LSR: variants seen among roughly 807,000 people sequenced by gnomAD.
LSR encodes the protein lipolysis-stimulated lipoprotein receptor.
LSR carries 44 observed loss-of-function variants against 61.8 expected under a neutral mutation model. The ratio of observed to expected loss-of-function variants is 0.71; its 90% CI spans 0.56 to 0.91. The LOEUF (loss-of-function observed/expected upper bound fraction) is 0.91, where lower values mean the gene tolerates loss of function less well. LSR is among the 40% of genes least tolerant of loss of function. The pLI is 0.00. For synonymous variants in LSR, 397 were observed against 350.6 expected, an observed-to-expected ratio of 1.13 and a Z score of -1.48; for missense variants, 911 against 830.5, an observed-to-expected ratio of 1.10 and a Z score of -1.19.
In LSR at chr19:35,250,394, T is replaced by C. The variant is rs1284006323; in HGVS notation, c.189T>C (p.Cys63=). Residue 63 remains cysteine, a synonymous_variant, in exon 2 of 10, where the codon TGT becomes TGC. Coordinates refer to ENST00000605618, the MANE Select transcript of LSR (RefSeq NM_205834.4). Reference sequence around the variant, plus strand: ...TCTTCCAGCCTGTGACCCTGCCCTGTACCTACCAGATGACCTCGACCCCCA... The same window carrying C: ...TCTTCCAGCCTGTGACCCTGCCCTGCACCTACCAGATGACCTCGACCCCCA... ...VILFQPVTLP[C]TYQMTSTPTQ... is the part of the protein sequence containing the mutation. 3.7e-6 allele frequency: 6 copies of C among 1,612,956 alleles called. No homozygotes were observed. In the South Asian group the frequency reaches 4.4e-5, roughly 12 times the overall value.
In LSR at chr19:35,266,460, A is replaced by G. The variant is rs1325766571; in HGVS notation, c.880A>G (p.Met294Val). 4 of 1,612,854 alleles carry G rather than the reference A, an allele frequency of 2.5e-6. No individual in the cohort carries two copies. The highest frequency in any genetic ancestry group is 1.3e-5 in the African/African-American group (1 of 74,902). Residue 294 changes from methionine to valine, a missense_variant, in exon 6 of 10, where the codon ATG becomes GTG. Physicochemically the swap from Met to Val is conservative, Grantham distance 21. Coordinates refer to ENST00000605618, the MANE Select transcript of LSR (RefSeq NM_205834.4). ...CGCCAAGACCCCACCCCCACCAGCT[A>G]TGATTCCCATGGGCCCTGCCTACAA... Reference protein sequence around the residue: ...SPAKTPPPPAMIPMGPAYNGY... With the variant: ...SPAKTPPPPAVIPMGPAYNGY...
intron 1 of LSR, 92 bp downstream of exon 1, chr19:35,249,223 G>A: frequency 2.8e-6 from 4 of 1,448,270 alleles, no homozygotes; most frequent in East Asian, 5.2e-5. Context: ...AGCGGGAAGC[G>A]GGGGTCTCAG....
intron 2 of LSR, 137 bp from the exon 3 acceptor site, chr19:35,258,808 T>C (rs1367885468): frequency 7.7e-6 from 8 of 1,039,020 alleles, no homozygotes; most frequent in Admixed American, 3.6e-5. Context: ...AATCTTTGCA[T>C]ATGCATTTGA....
chr19:35,266,067 G>GTTA (rs1371848289), intron 5 of LSR, among the ~76,000 whole-genome samples: 35 of 152,244 alleles, frequency 2.3e-4, no homozygotes, highest in Non-Finnish European at 1.8e-4. Flanking sequence ...TTACCATGCT[G>GTTA]TTAAATGAAA....
chr19:35,253,071 G>A (rs974277035), intron 2 of LSR, among the ~76,000 whole-genome samples: 7 of 152,046 alleles, frequency 4.6e-5, no homozygotes, highest in Non-Finnish European at 7.4e-5. Flanking sequence ...TGTAATCCCA[G>A]CACTTTGGGA....
chr19:35,252,198 G>GTCAT (rs1242053477), intron 2 of LSR, among the ~76,000 whole-genome samples: 2 of 152,152 alleles, frequency 1.3e-5, no homozygotes, highest in Non-Finnish European at 2.9e-5. Context: ...GTAAGGGGCA[G>GTCAT]TCATTCATTC....
At chr19:35,250,753 C>T in intron 2 of LSR, 94 bp downstream of exon 2, 3 of 887,558 alleles carry the variant, frequency 3.4e-6, no homozygotes, top group Non-Finnish European at 1.7e-6. Flanking sequence ...TCTGAAAGCT[C>T]TTGAGTGCCA....
chr19:35,267,696 A>G lies in LSR; in HGVS notation c.1732A>G (p.Thr578Ala). ...YPPAPPPYSE[T>A]DSQASRERRL... is the part of the protein sequence containing the mutation. Reference sequence around the variant, plus strand: ...GCCCGCGCCGCCCCCGTACTCGGAGACCGACTCGCAGGCGTCCCGAGAGCG... The same window carrying G: ...GCCCGCGCCGCCCCCGTACTCGGAGGCCGACTCGCAGGCGTCCCGAGAGCG... The change falls in exon 9 of 10, where the codon ACC becomes GCC. Residue 578 changes from threonine (T) to alanine (A), a missense_variant. Coordinates refer to ENST00000605618, the MANE Select transcript of LSR (RefSeq NM_205834.4). 1 of 1,601,696 alleles carries G rather than the reference A, an allele frequency of 6.2e-7. No homozygotes were observed. The highest frequency in any genetic ancestry group is 8.5e-7 in the Non-Finnish European group (1 of 1,174,982).
In LSR at chr19:35,259,037, G is replaced by A; in HGVS notation, c.547G>A (p.Glu183Lys). 1 of 1,614,064 alleles carries A rather than the reference G, an allele frequency of 6.2e-7. No individual in the cohort carries two copies. The highest frequency in any genetic ancestry group is 1.1e-5 in the South Asian group (1 of 91,080). ...VSAQDLQGNN[E>K]AYAELIVLGR... ...AGCCCAGGACCTCCAGGGGAACAAT[G>A]AGGCCTACGCAGAGCTCATCGTCCT... The change falls in exon 3 of 10, where the codon GAG (glutamate) becomes AAG (lysine). Residue 183 changes from glutamate (E) to lysine (K), a missense_variant. Glu to Lys is a moderately conservative substitution (Grantham distance 56, BLOSUM62 1). Transcript: ENST00000605618.
Position 35,267,417 on chromosome 19 carries a change from G to T in LSR, c.1453G>T (p.Asp485Tyr). ...GCCCCCGCGGAGCCGCAGCCGGGAC[G>T]ACCTCTATGACCAAGACGACTCGAG... is the stretch of plus-strand genomic sequence containing the variant. Reference protein sequence around the residue: ...YMPPRSRSRDDLYDQDDSRDF... With the variant: ...YMPPRSRSRDYLYDQDDSRDF... Residue 485 changes from aspartate (D) to tyrosine (Y), a missense_variant, in exon 9 of 10, where the codon GAC becomes TAC. Transcript: ENST00000605618. The T allele has an allele frequency of 1.2e-6, 2 of 1,610,228 alleles. No homozygotes were observed. The highest frequency in any genetic ancestry group is 1.7e-6 in the Non-Finnish European group (2 of 1,179,138).
Position 35,262,586 on chromosome 19 carries a change from C to T in LSR, c.672C>T (p.Leu224=). The part of the protein sequence containing the change: ...FVVVVCLAAF[L]IFLLLGICWC... ...TTGTGGTATGCCTGGCTGCCTTCCTCATCTTCCTCCTCCTGGGCATCTGCT... is the reference window on the plus strand; with the variant it reads ...TTGTGGTATGCCTGGCTGCCTTCCTTATCTTCCTCCTCCTGGGCATCTGCT... Residue 224 remains leucine, a synonymous_variant, in exon 5 of 10, where the codon CTC becomes CTT. Transcript: ENST00000605618. 1.9e-6 allele frequency: 3 copies of T among 1,614,248 alleles called. No individual in the cohort carries two copies. Among genetic ancestry groups the T allele is most frequent in the Non-Finnish European group, 1.7e-6 (2 of 1,180,044 alleles).
chr19:35,267,429 C>G lies in LSR; in HGVS notation c.1465C>G (p.Gln489Glu), dbSNP rs1450547142. ...CCGCAGCCGGGACGACCTCTATGACCAAGACGACTCGAGGGACTTCCCACG... is the reference window on the plus strand; with the variant it reads ...CCGCAGCCGGGACGACCTCTATGACGAAGACGACTCGAGGGACTTCCCACG... ...RSRSRDDLYDQDDSRDFPRSR... is the reference protein window; with the variant it reads ...RSRSRDDLYDEDDSRDFPRSR... The change falls in exon 9 of 10, where the codon CAA (glutamine) becomes GAA (glutamate). Residue 489 changes from glutamine to glutamate, a missense_variant. Physicochemically the swap from Gln to Glu is conservative, Grantham distance 29. Coordinates refer to ENST00000605618, the MANE Select transcript of LSR (RefSeq NM_205834.4). 6 of 1,610,756 alleles carry G rather than the reference C, an allele frequency of 3.7e-6. No individual in the cohort carries two copies. The highest frequency in any genetic ancestry group is 3.3e-5 in the Admixed American group (2 of 59,836).
intron 2 of LSR, among the ~76,000 whole-genome samples, chr19:35,256,114 A>C (rs1166603530): frequency 6.6e-6 from 1 of 152,070 alleles, no homozygotes; most frequent in African/African-American, 2.4e-5. Flanking sequence ...GGCGCCTATA[A>C]TCCCAGCTAC....
intron 1 of LSR, 151 bp from the exon 2 acceptor site, chr19:35,250,164 C>A (rs1599587552): frequency 3.6e-6 from 2 of 550,464 alleles, no homozygotes; most frequent in African/African-American, 1.9e-5. Context: ...ATCGTGGCTA[C>A]CTCACTGGTC....
At chr19:35,249,372 A>G in intron 1 of LSR, 1 of 518,196 alleles carries the variant, frequency 1.9e-6, no homozygotes. Flanking sequence ...CTGGACGGTG[A>G]GACCCGGAGC....
rs1197744420 is a variant in LSR, at chr19:35,261,825, G to GCA, written c.575-96_575-95dup. 4 of 735,272 alleles carry GCA rather than the reference G, an allele frequency of 5.4e-6. No individual in the cohort carries two copies. In the Admixed American group the frequency reaches 1.3e-4, roughly 23 times the overall value. 45.5% of individuals were successfully genotyped at this position (735,272 alleles called of 1,614,324 possible). ...GCCCCCAGCCCCTTCCCGCTTCAGGGCACACCTTGCACTTGGCCAGCCTGG... is the reference window on the plus strand; with the variant it reads ...GCCCCCAGCCCCTTCCCGCTTCAGGGCACACACCTTGCACTTGGCCAGCCTGG... On this transcript the variant is annotated intron_variant, in intron 3 of 9. Coordinates refer to ENST00000605618, the MANE Select transcript of LSR (RefSeq NM_205834.4).
At chr19:35,254,698 C>G (rs527941878) in intron 2 of LSR, among the ~76,000 whole-genome samples, 494 of 152,276 alleles carry the variant, frequency 3.2e-3, no homozygotes, top group Admixed American at 7.7e-3. Flanking sequence ...GCTGTTCCCA[C>G]TGGAGACCTG....
chr19:35,250,622 A>T lies in LSR; in HGVS notation c.417A>T (p.Gly139=). ...ATKQGNAVTL[G]DYYQGRRITI... ...AGCAGGGCAACGCTGTGACCCTGGG[A>T]GATTACTACCAGGGCCGGAGGATTA... The change falls in exon 2 of 10, where the codon GGA becomes GGT. Residue 139 remains glycine, a synonymous_variant. Transcript: ENST00000605618. The T allele has an allele frequency of 1.3e-6, 2 of 1,588,930 alleles. No individual in the cohort carries two copies. Among genetic ancestry groups the T allele is most frequent in the Non-Finnish European group, 1.7e-6 (2 of 1,162,254 alleles).
intron 1 of LSR, among the ~76,000 whole-genome samples, chr19:35,249,691 T>G (rs976617495): frequency 6.6e-6 from 1 of 152,180 alleles, no homozygotes; most frequent in Non-Finnish European, 1.5e-5. Context: ...AACCGACTTC[T>G]GCTGGCAGGC....
Sources: gnomAD v4.1 joint callset for allele counts (sites outside exome capture counted in the v4.1 genomes callset) on GRCh38, gnomAD v4.1.1 for gene constraint, MANE v1.5 for transcripts, NCBI Gene and HGNC (gene_info 2026-07-23, HGNC 2026-07-21) for gene names.